Variants in SNX29 observed in about 807,000 individuals in gnomAD.
The protein encoded by SNX29 is sorting nexin-29.
SNX29 carries 78 observed loss-of-function variants against 102.1 expected under a neutral mutation model. The observed-to-expected ratio is 0.76, with a 90% CI of 0.64 to 0.92. The LOEUF is 0.92. SNX29 is among the 40% of genes least tolerant of loss of function. The probability of loss-of-function intolerance (pLI) is 0.00; values close to 1 mark genes in which losing one functional copy is unlikely to be tolerated. For synonymous variants in SNX29, 580 were observed against 414.5 expected (o/e 1.40, Z -4.85); for missense variants, 1,280 against 1,061.7 (o/e 1.21, Z -2.86).
chr16:12,559,225 C>A (rs991295691), intron 20 of SNX29, among the ~76,000 whole-genome samples: 1 of 152,070 alleles, frequency 6.6e-6, no homozygotes, highest in Non-Finnish European at 1.5e-5. Context: ...GTATTTACAG[C>A]CACTCCCCAT....
intron 13 of SNX29, among the ~76,000 whole-genome samples, chr16:12,163,714 C>T (rs563152800): frequency 6.6e-6 from 1 of 152,302 alleles, no homozygotes; most frequent in East Asian, 1.9e-4. Flanking sequence ...ATTTGTTAAA[C>T]CGAACCTTTT....
chr16:12,443,274 C>A (rs1448851989), intron 18 of SNX29: 2 of 240,434 alleles, frequency 8.3e-6, no homozygotes, highest in Admixed American at 1.0e-4. Flanking sequence ...GAGGGGCCCA[C>A]GCTGTTCCTC....
intron 15 of SNX29, among the ~76,000 whole-genome samples, chr16:12,290,686 G>C (rs2079764490): frequency 6.6e-6 from 1 of 152,196 alleles, no homozygotes. Context: ...TAGACACATA[G>C]GACAGATGCA....
At chr16:12,490,109 T>G (rs1410421057) in intron 19 of SNX29, among the ~76,000 whole-genome samples, 1 of 152,192 alleles carries the variant, frequency 6.6e-6, no homozygotes, top group African/African-American at 2.4e-5. Flanking sequence ...CCAGGGCTTT[T>G]TTGGCTGTTT....
intron 14 of SNX29, among the ~76,000 whole-genome samples, chr16:12,241,721 C>A (rs2078110461): frequency 6.6e-6 from 1 of 152,206 alleles, no homozygotes; most frequent in Non-Finnish European, 1.5e-5. Flanking sequence ...CTTGGCCTCC[C>A]AAAGTGCTGG....
intron 18 of SNX29, among the ~76,000 whole-genome samples, chr16:12,439,074 G>C (rs781436509): frequency 6.6e-6 from 1 of 152,220 alleles, no homozygotes; most frequent in Non-Finnish European, 1.5e-5. Context: ...GAGAAGGAAG[G>C]CTTCCCTTCC....
At chr16:12,318,259 G>C (rs1253589352) in intron 15 of SNX29, among the ~76,000 whole-genome samples, 2 of 152,230 alleles carry the variant, frequency 1.3e-5, no homozygotes, top group African/African-American at 4.8e-5. Flanking sequence ...GCAGGCCTTT[G>C]TTGAACCGTA....
At chr16:12,008,399 A>G (rs575721378) in intron 3 of SNX29, among the ~76,000 whole-genome samples, 4 of 152,110 alleles carry the variant, frequency 2.6e-5, no homozygotes, top group African/African-American at 9.6e-5. Context: ...CCTTCCAGGT[A>G]GCTGGGATTA....
chr16:12,449,843 C>G lies in SNX29; in HGVS notation c.2038-27876C>G, dbSNP rs377561700. ...AGATGGTGGTGACAGGGGCAGACAACAGCTGTACATTTGACAATGTTTTTA... is the reference window on the plus strand; with the variant it reads ...AGATGGTGGTGACAGGGGCAGACAAGAGCTGTACATTTGACAATGTTTTTA... On this transcript the variant is annotated intron_variant, in intron 18 of 20. Transcript: ENST00000566228. 7.9e-5 allele frequency among the ~76,000 whole-genome samples: 12 copies of G among 152,312 alleles called. No homozygotes were observed. In the South Asian group the frequency reaches 2.5e-3, roughly 32 times the overall value.
chr16:12,462,036 C>G (rs2086826449), intron 18 of SNX29, among the ~76,000 whole-genome samples: 1 of 133,712 alleles, frequency 7.5e-6, no homozygotes, highest in Non-Finnish European at 1.6e-5. Flanking sequence ...CACACACACA[C>G]ACACACACTC....
intron 13 of SNX29, among the ~76,000 whole-genome samples, chr16:12,150,243 G>C (rs1166481367): frequency 6.6e-6 from 1 of 152,170 alleles, no homozygotes; most frequent in Admixed American, 6.5e-5. Flanking sequence ...GAAGTTCTTT[G>C]AGCTATTCAG....
At chr16:12,561,132 A>T (rs762922661) in intron 20 of SNX29, 1 of 228,620 alleles carries the variant, frequency 4.4e-6, no homozygotes, top group African/African-American at 2.2e-5. Context: ...CGCAGTCCTG[A>T]GGCCCAGGTG....
chr16:12,270,332 A>G (rs1192600770), intron 14 of SNX29, among the ~76,000 whole-genome samples: 1 of 152,194 alleles, frequency 6.6e-6, no homozygotes, highest in East Asian at 1.9e-4. Context: ...GGATGTGCAA[A>G]GAGTGTAGAA....
At chr16:12,559,594 G>C (rs754543372) in intron 20 of SNX29, among the ~76,000 whole-genome samples, 1 of 151,748 alleles carries the variant, frequency 6.6e-6, no homozygotes, top group Admixed American at 6.6e-5. Flanking sequence ...GTGCCAAAAA[G>C]GTTGGGGACT....
intron 11 of SNX29, among the ~76,000 whole-genome samples, chr16:12,125,130 C>T (rs1339505289): frequency 2.0e-5 from 3 of 152,128 alleles, no homozygotes; most frequent in Admixed American, 6.5e-5. Context: ...GAAATCACCC[C>T]GATGTTACCT....
intron 20 of SNX29, among the ~76,000 whole-genome samples, chr16:12,557,928 T>G (rs1225274425): frequency 1.3e-5 from 2 of 152,180 alleles, no homozygotes; most frequent in African/African-American, 2.4e-5. Flanking sequence ...GCAGGCAGGC[T>G]GCTATTTTCA....
chr16:12,419,931 A>C (rs1328612156), intron 18 of SNX29, among the ~76,000 whole-genome samples: 1 of 152,256 alleles, frequency 6.6e-6, no homozygotes, highest in Non-Finnish European at 1.5e-5. Flanking sequence ...TTAACTGGCC[A>C]AAATCAGCCC....
chr16:12,398,247 G>C (rs1044932557), intron 16 of SNX29, among the ~76,000 whole-genome samples, 199 bp from the exon 17 acceptor site: 4 of 152,146 alleles, frequency 2.6e-5, no homozygotes, highest in African/African-American at 9.7e-5. Context: ...CCTCATGGTG[G>C]CATATTTTTA....
chr16:12,555,457 C>A (rs917776742), intron 20 of SNX29, among the ~76,000 whole-genome samples: 1 of 151,966 alleles, frequency 6.6e-6, no homozygotes, highest in Non-Finnish European at 1.5e-5. Flanking sequence ...AGGGTGTTTC[C>A]CTAGTTGACA....
Sources: allele counts gnomAD v4.1 joint callset (sites outside exome capture counted in the v4.1 genomes callset), GRCh38; gene constraint gnomAD v4.1.1; transcripts MANE v1.5; gene names NCBI Gene and HGNC (gene_info 2026-07-23, HGNC 2026-07-21).